NRG1: variants seen among roughly 807,000 people sequenced by gnomAD.
NRG1 encodes the protein neuregulin 1, also known as pro-neuregulin-1, membrane-bound isoform.
In NRG1, 18 loss-of-function variants were observed where a neutral mutation model predicts 63.8. That is an observed-to-expected ratio of 0.28 (90% CI 0.19 to 0.42). NRG1 has a LOEUF of 0.42. Ranked by LOEUF, NRG1 falls within the 10% of genes least tolerant of loss-of-function variation. The probability of loss-of-function intolerance (pLI) is 1.00; values close to 1 mark genes in which losing one functional copy is unlikely to be tolerated. For missense variants in NRG1, 762 were observed against 814.7 expected (o/e 0.94, Z 0.79); for synonymous variants, 302 against 301.3 (o/e 1.00, Z -0.02).
intron 1 of NRG1, among the ~76,000 whole-genome samples, chr8:32,181,827 C>A (rs1290002844): frequency 6.6e-6 from 1 of 151,824 alleles, no homozygotes; most frequent in African/African-American, 2.4e-5. Context: ...ATAAGTATTT[C>A]TATTTATAAC....
At chr8:31,954,585 T>C (rs1049970740) in intron 1 of NRG1, among the ~76,000 whole-genome samples, 62 of 152,196 alleles carry the variant, frequency 4.1e-4, no homozygotes, top group Admixed American at 4.1e-3. Flanking sequence ...AACTGTTCCT[T>C]TAATTAAATT....
chr8:31,905,194 CT>C (rs1832424550), intron 1 of NRG1, among the ~76,000 whole-genome samples: 1 of 152,046 alleles, frequency 6.6e-6, no homozygotes, highest in Non-Finnish European at 1.5e-5. Flanking sequence ...AATATTATTG[CT>C]TTATAATTCT....
At chr8:32,168,421 C>T (rs918966327) in intron 1 of NRG1, among the ~76,000 whole-genome samples, 3 of 152,096 alleles carry the variant, frequency 2.0e-5, no homozygotes, top group Non-Finnish European at 1.5e-5. Context: ...TTGCATTGGG[C>T]TAGAATCATG....
At chr8:32,206,172 G>A (rs1190363700) in intron 1 of NRG1, among the ~76,000 whole-genome samples, 1 of 152,144 alleles carries the variant, frequency 6.6e-6, no homozygotes, top group African/African-American at 2.4e-5. Flanking sequence ...ATTGGAAGAT[G>A]ATGGAAAAGC....
chr8:32,348,025 CTT>C (rs1310462843), intron 1 of NRG1, among the ~76,000 whole-genome samples: 2 of 152,178 alleles, frequency 1.3e-5, no homozygotes, highest in East Asian at 3.9e-4. Context: ...TCTCATCACT[CTT>C]TAACCAAATT....
chr8:31,666,643 T>C (rs530172190), intron 1 of NRG1, among the ~76,000 whole-genome samples: 6 of 152,286 alleles, frequency 3.9e-5, no homozygotes, highest in African/African-American at 1.4e-4. Context: ...TGAATATGGG[T>C]TTGGGAACTA....
intron 1 of NRG1, among the ~76,000 whole-genome samples, chr8:32,128,469 C>T (rs1834387944): frequency 6.6e-6 from 1 of 151,902 alleles, no homozygotes; most frequent in South Asian, 2.1e-4. Context: ...TGTCACAGTT[C>T]TTGACTAGGT....
chr8:32,383,475 TCTC>T (rs1810606582), intron 1 of NRG1, among the ~76,000 whole-genome samples: 1 of 152,106 alleles, frequency 6.6e-6, no homozygotes, highest in Non-Finnish European at 1.5e-5. Flanking sequence ...TACAAAACTT[TCTC>T]CTACCTCCTC....
At chr8:32,218,692 G>T (rs911075250) in intron 1 of NRG1, among the ~76,000 whole-genome samples, 3 of 152,294 alleles carry the variant, frequency 2.0e-5, no homozygotes, top group Middle Eastern at 3.4e-3. Context: ...GATGACTGTT[G>T]TTCTTTCAAA....
chr8:31,847,542 G>T (rs1267557788), intron 1 of NRG1, among the ~76,000 whole-genome samples: 18 of 152,174 alleles, frequency 1.2e-4, no homozygotes. Context: ...AGCAATAAAA[G>T]AAATGTTTTT....
At chr8:32,398,510 G>A (rs1041534956) in intron 1 of NRG1, among the ~76,000 whole-genome samples, 3 of 151,228 alleles carry the variant, frequency 2.0e-5, no homozygotes, top group African/African-American at 4.9e-5. Flanking sequence ...TCCCAGGTTC[G>A]AGCGATTTTC....
intron 1 of NRG1, among the ~76,000 whole-genome samples, chr8:31,807,945 TCG>T (rs3050861): frequency 0.19 from 21,478 of 113,592 alleles, 1,941 homozygotes; most frequent in East Asian, 0.32. Context: ...TCAAGAGTAT[TCG>T]CGTGTGTGTG....
At chr8:32,414,880 C>G (rs1815636768) in intron 1 of NRG1, among the ~76,000 whole-genome samples, 1 of 152,108 alleles carries the variant, frequency 6.6e-6, no homozygotes, top group Admixed American at 6.5e-5. Flanking sequence ...GAATCTAACT[C>G]AAACCTGGCA....
chr8:31,701,251 C>T (rs1810598362), intron 1 of NRG1, among the ~76,000 whole-genome samples: 1 of 152,070 alleles, frequency 6.6e-6, no homozygotes, highest in African/African-American at 2.4e-5. Context: ...ACAGCACAGT[C>T]ATCAAAGAAG....
chr8:32,406,735 T>C (rs1814044787), intron 1 of NRG1, among the ~76,000 whole-genome samples: 1 of 152,170 alleles, frequency 6.6e-6, no homozygotes, highest in African/African-American at 2.4e-5. Flanking sequence ...AGGCAAGATC[T>C]GCCTTCATCT....
intron 1 of NRG1, among the ~76,000 whole-genome samples, chr8:32,203,500 A>G (rs1054313582): frequency 6.6e-6 from 1 of 151,918 alleles, no homozygotes; most frequent in Non-Finnish European, 1.5e-5. Flanking sequence ...CAGCCTCCCC[A>G]GTAGCTGGGA....
At chr8:32,720,777 G>A (rs1320680915) in intron 5 of NRG1, among the ~76,000 whole-genome samples, 1 of 151,976 alleles carries the variant, frequency 6.6e-6, no homozygotes. Flanking sequence ...TGATTAGACT[G>A]TGCCATGAGT....
intron 5 of NRG1, among the ~76,000 whole-genome samples, chr8:32,723,433 G>C (rs1023300162): frequency 6.6e-6 from 1 of 152,046 alleles, no homozygotes; most frequent in Non-Finnish European, 1.5e-5. Flanking sequence ...TGTAATCCCA[G>C]CAATTTGGGA....
At chr8:32,047,604 C>T (rs1182698119) in intron 1 of NRG1, among the ~76,000 whole-genome samples, 3 of 151,908 alleles carry the variant, frequency 2.0e-5, no homozygotes, top group Non-Finnish European at 2.9e-5. Flanking sequence ...CAGAGTTGTT[C>T]TCTAGATCTC....
Sources: gnomAD v4.1 joint callset for allele counts (sites outside exome capture counted in the v4.1 genomes callset) on GRCh38, gnomAD v4.1.1 for gene constraint, MANE v1.5 for transcripts, NCBI Gene and HGNC (gene_info 2026-07-23, HGNC 2026-07-21) for gene names.